FRAS1: variants seen among roughly 807,000 people sequenced by gnomAD.
The protein encoded by FRAS1 is Fraser extracellular matrix complex subunit 1.
FRAS1 carries 290 observed loss-of-function variants against 435.2 expected under a neutral mutation model. That is an observed-to-expected ratio of 0.67 (90% confidence interval 0.61 to 0.73). FRAS1 has a LOEUF of 0.73. Ranked by LOEUF, FRAS1 falls within the 30% of genes least tolerant of loss-of-function variation. The pLI is 0.00. For missense variants in FRAS1, 4,860 were observed against 5,001.5 expected, an observed-to-expected ratio of 0.97 and a Z score of 0.85; for synonymous variants, 1,800 against 1,851.0, an observed-to-expected ratio of 0.97 and a Z score of 0.71.
chr4:78,479,577 G>A lies in FRAS1; in HGVS notation c.8302G>A (p.Glu2768Lys). The A allele has an allele frequency of 1.9e-6, 3 of 1,613,990 alleles. No individual in the cohort carries two copies. Among genetic ancestry groups the A allele is most frequent in the Non-Finnish European group, 2.5e-6 (3 of 1,179,848 alleles). ...IDDSEYEEEE[E>K]FEIALADASD... The stretch of plus-strand genomic sequence containing the variant: ...TGACAGCGAGTATGAAGAGGAAGAA[G>A]AGTTTGAGATTGCCTTGGCAGATGC... The change falls in exon 56 of 74, where the codon GAG (glutamate) becomes AAG (lysine). Residue 2768 changes from glutamate (E) to lysine (K), a missense_variant. Glu to Lys is a moderately conservative substitution (Grantham distance 56). Transcript: ENST00000512123.
intron 2 of FRAS1, among the ~76,000 whole-genome samples, chr4:78,225,415 C>CCT (rs1039391581): frequency 7.2e-5 from 11 of 152,132 alleles, no homozygotes; most frequent in African/African-American, 2.7e-4. Context: ...CCCAGGGAGG[C>CCT]GGTTTGTCTG....
At chr4:78,316,056 A>G (rs539474199) in intron 16 of FRAS1, among the ~76,000 whole-genome samples, 2 of 152,242 alleles carry the variant, frequency 1.3e-5, no homozygotes, top group Non-Finnish European at 2.9e-5. Flanking sequence ...CAGATGTAAC[A>G]GAATCATTTC....
rs538805645 is a variant in FRAS1 at position 78,341,088 on chromosome 4, A to G, written c.2422+3271A>G. On this transcript the variant is annotated intron_variant, in intron 20 of 73. Transcript: ENST00000512123. ...AGGATATGAGATGAGCCCATGGAACAGGACCCTGACCCACACTGGAGTGTG... is the reference window on the plus strand; with the variant it reads ...AGGATATGAGATGAGCCCATGGAACGGGACCCTGACCCACACTGGAGTGTG... 3.3e-5 allele frequency among the ~76,000 whole-genome samples: 5 copies of G among 152,134 alleles called. No homozygotes were observed. In the East Asian group the frequency reaches 9.7e-4, roughly 29 times the overall value.
At chr4:78,129,786 C>T (rs530425878) in intron 2 of FRAS1, among the ~76,000 whole-genome samples, 27 of 152,260 alleles carry the variant, frequency 1.8e-4, no homozygotes, top group East Asian at 7.7e-4. Flanking sequence ...GATCTGAGGC[C>T]GAGGTCCAAA....
chr4:78,518,447 TA>T lies in FRAS1; in HGVS notation c.10390-883del, dbSNP rs1560423188. Among the ~76,000 whole-genome samples, 196 of 127,582 alleles carry T rather than the reference TA, an allele frequency of 1.5e-3. No homozygotes were observed. In the Middle Eastern group the frequency reaches 0.02, roughly 13 times the overall value. The allele number at this position is 127,582 out of a possible 152,430, so 83.7% of individuals were successfully genotyped here. ...GTATATATATATATATATATATATA[TA>T]TATATTTATTTATTTATTTATTTGT... is the stretch of plus-strand genomic sequence containing the variant. On this transcript the variant is annotated intron_variant, in intron 66 of 73. Coordinates refer to ENST00000512123, the MANE Select transcript of FRAS1 (RefSeq NM_025074.7).
chr4:78,213,238 A>G (rs895315121), intron 2 of FRAS1, among the ~76,000 whole-genome samples: 5 of 152,252 alleles, frequency 3.3e-5, no homozygotes, highest in Non-Finnish European at 7.3e-5. Context: ...TTGTAGATCC[A>G]TACATCCCTC....
At position 78,067,331 on chromosome 4, in the gene FRAS1, C is replaced by A. The variant is rs1449515099; in HGVS notation, c.108+1315C>A. 2.0e-5 allele frequency among the ~76,000 whole-genome samples: 3 copies of A among 152,092 alleles called. No individual in the cohort carries two copies. The East Asian group carries it at 5.8e-4, about 29-fold the overall frequency. ...TAGTGGTGGACCAGAACAAGACATC[C>A]TGTCTTCTTCTGTTGTTCTGCCTAT... On this transcript the variant is annotated intron_variant, in intron 2 of 73. Transcript: ENST00000512123.
At chr4:78,261,980 A>G (rs1343926493) in intron 6 of FRAS1, among the ~76,000 whole-genome samples, 1 of 152,152 alleles carries the variant, frequency 6.6e-6, no homozygotes, top group Non-Finnish European at 1.5e-5. Context: ...CTCATCCTTC[A>G]TCAAGAAAAA....
At chr4:78,166,148 T>C (rs979232443) in intron 2 of FRAS1, among the ~76,000 whole-genome samples, 4 of 152,134 alleles carry the variant, frequency 2.6e-5, no homozygotes, top group Non-Finnish European at 4.4e-5. Context: ...TAGAGGAAAA[T>C]AACCTTTGAC....
rs534182179 is a variant in FRAS1 at position 78,105,902 on chromosome 4, G to A, written c.108+39886G>A. ...GCCAGTGTGTGCGCGCACCGTGCGCGAGCCGAAGCAGGGCAAGGCATTGCC... is the reference window on the plus strand; with the variant it reads ...GCCAGTGTGTGCGCGCACCGTGCGCAAGCCGAAGCAGGGCAAGGCATTGCC... On this transcript the variant is annotated intron_variant, in intron 2 of 73. Coordinates refer to ENST00000512123, the MANE Select transcript of FRAS1 (RefSeq NM_025074.7). Among the ~76,000 whole-genome samples, 11 of 136,516 alleles carry A rather than the reference G, an allele frequency of 8.1e-5. 1 individual carries two copies. The highest frequency in any genetic ancestry group is 2.0e-4 in the East Asian group (1 of 4,980). 89.6% of individuals were successfully genotyped at this position (136,516 alleles called of 152,430 possible). A position where few individuals can be genotyped will look rare whatever the true frequency, so the allele number is the denominator to read the frequency against.
chr4:78,250,244 G>A (rs761684673), intron 4 of FRAS1, among the ~76,000 whole-genome samples: 25 of 152,090 alleles, frequency 1.6e-4, no homozygotes, highest in Non-Finnish European at 3.1e-4. Context: ...CACTGTTAAT[G>A]TTCTTTCAGT....
rs1203151329 is a variant in FRAS1, at chr4:78,282,765, C to T, written c.1108-55C>T. 3.8e-6 allele frequency: 6 copies of T among 1,594,264 alleles called. No individual in the cohort carries two copies. In the East Asian group the frequency reaches 9.1e-5, roughly 24 times the overall value. ...ATTGTAAGTTCTTCAGCAGCAAGCT[C>T]TCTTCTGAATTACTGCATCCTGATG... On this transcript the variant is annotated intron_variant, in intron 11 of 73. Coordinates refer to ENST00000512123, the MANE Select transcript of FRAS1 (RefSeq NM_025074.7).
rs559746898 is a variant in FRAS1, at chr4:78,506,297, G to A, written c.9317-1124G>A. ...GCTCTCTTCAGAGCTGTCAGACAGG[G>A]ACGTTTAAGTCTGCAGAAGTTTCTG... On this transcript the variant is annotated intron_variant, in intron 61 of 73. Coordinates refer to ENST00000512123, the MANE Select transcript of FRAS1 (RefSeq NM_025074.7). Among the ~76,000 whole-genome samples, 3 of 152,372 alleles carry A rather than the reference G, an allele frequency of 2.0e-5. No homozygotes were observed. In the East Asian group the frequency reaches 5.8e-4, roughly 29 times the overall value.
chr4:78,381,920 A>G (rs1732036696), intron 27 of FRAS1, among the ~76,000 whole-genome samples: 1 of 152,390 alleles, frequency 6.6e-6, no homozygotes, highest in Non-Finnish European at 1.5e-5. Context: ...AAGAATGAGA[A>G]GAATAATAAA....
intron 3 of FRAS1, among the ~76,000 whole-genome samples, chr4:78,244,109 A>G (rs1451831673): frequency 6.6e-6 from 1 of 152,140 alleles, no homozygotes; most frequent in Non-Finnish European, 1.5e-5. Flanking sequence ...TTATTGATGT[A>G]TTTATCTGTT....
chr4:78,303,004 G>A (rs1278788559), intron 14 of FRAS1, among the ~76,000 whole-genome samples: 2 of 152,124 alleles, frequency 1.3e-5, no homozygotes, highest in Admixed American at 1.3e-4. Context: ...TAACGTTTAA[G>A]TCTTTAATCC....
chr4:78,380,082 C>A, intron 27 of FRAS1, 86 bp downstream of exon 27: 1 of 1,418,726 alleles, frequency 7.0e-7, no homozygotes, highest in Non-Finnish European at 9.6e-7. Context: ...CTCTCTGTCT[C>A]AATAGCTAAC....
chr4:78,482,001 A>G (rs370785078), intron 57 of FRAS1, 37 bp downstream of exon 57: 2 of 1,597,658 alleles, frequency 1.3e-6, no homozygotes, highest in African/African-American at 1.4e-5. Context: ...CAAAGTTGAC[A>G]GGTCGGTTTG....
At chr4:78,430,516 G>A in intron 37 of FRAS1, 99 bp downstream of exon 37, 3 of 1,258,274 alleles carry the variant, frequency 2.4e-6, no homozygotes, top group Middle Eastern at 2.7e-4. Context: ...AAGCGTCTTT[G>A]TGATACAGAC....
Sources: allele counts gnomAD v4.1 joint callset (sites outside exome capture counted in the v4.1 genomes callset), GRCh38; gene constraint gnomAD v4.1.1; transcripts MANE v1.5; gene names NCBI Gene and HGNC (gene_info 2026-07-23, HGNC 2026-07-21).